DIS3L2: variants seen among roughly 807,000 people sequenced by gnomAD.
DIS3L2 encodes the protein DIS3-like exonuclease 2.
Under a neutral mutation model 97.5 loss-of-function variants are expected in DIS3L2, and 34 were observed. That is an observed-to-expected ratio of 0.35 (90% CI 0.27 to 0.46). The LOEUF is 0.46. Among genes scored for constraint, DIS3L2 ranks in the 20% least tolerant of loss-of-function variants. The probability of loss-of-function intolerance (pLI) is 1.00; values close to 1 mark genes in which losing one functional copy is unlikely to be tolerated. For missense variants in DIS3L2, 1,038 were observed against 1,146.0 expected (o/e 0.91, Z 1.36); for synonymous variants, 435 against 445.2 (o/e 0.98, Z 0.29).
chr2:232,091,548 T>TTGTC (rs1231788599), intron 6 of DIS3L2, among the ~76,000 whole-genome samples: 12 of 152,334 alleles, frequency 7.9e-5, no homozygotes, highest in African/African-American at 2.9e-4. Context: ...CTTTATCCAT[T>TTGTC]TGTCTGTTGA....
chr2:231,971,638 G>T lies in DIS3L2; in HGVS notation c.-94+9873G>T, dbSNP rs192882785. ...AATTTTGTGTATTTTTAGTAGAGAC[G>T]GGTTTCACCGTGTTAGCCAGGATGG... On this transcript the variant is annotated intron_variant, in intron 1 of 20. Transcript: ENST00000325385. Among the ~76,000 whole-genome samples, 72 of 152,046 alleles carry T rather than the reference G, an allele frequency of 4.7e-4. 1 individual carries two copies. The East Asian group carries it at 0.012, about 25-fold the overall frequency.
intron 9 of DIS3L2, among the ~76,000 whole-genome samples, chr2:232,197,836 C>T (rs3103288): frequency 0.2 from 30,404 of 151,598 alleles, 3,622 homozygotes; most frequent in South Asian, 0.46. Flanking sequence ...TGTGGTGGCA[C>T]GTGCTCCTAG....
chr2:232,282,077 T>C (rs897781863), intron 13 of DIS3L2, among the ~76,000 whole-genome samples: 1 of 149,462 alleles, frequency 6.7e-6, no homozygotes, highest in Non-Finnish European at 1.5e-5. Context: ...TCCTTCCTCC[T>C]TGCTTGCACC....
chr2:231,962,979 C>G (rs768975061), intron 1 of DIS3L2, among the ~76,000 whole-genome samples: 23 of 151,994 alleles, frequency 1.5e-4, no homozygotes, highest in African/African-American at 2.2e-4. Flanking sequence ...TTCCAGTCCA[C>G]CATTGATGGT....
chr2:232,223,179 C>T (rs1307191601), intron 10 of DIS3L2, among the ~76,000 whole-genome samples: 1 of 152,188 alleles, frequency 6.6e-6, no homozygotes, highest in Non-Finnish European at 1.5e-5. Flanking sequence ...AGTCAGGCAT[C>T]CTCAAGTATC....
At chr2:232,055,928 A>G (rs1695535964) in intron 5 of DIS3L2, among the ~76,000 whole-genome samples, 1 of 152,238 alleles carries the variant, frequency 6.6e-6, no homozygotes, top group Non-Finnish European at 1.5e-5. Context: ...GAGAAAAAGG[A>G]TGTTGACCTT....
At chr2:232,176,342 C>G (rs1691151278) in intron 9 of DIS3L2, among the ~76,000 whole-genome samples, 1 of 151,830 alleles carries the variant, frequency 6.6e-6, no homozygotes, top group African/African-American at 2.4e-5. Context: ...AATCTCTCCC[C>G]CTCTCTCTCT....
At chr2:232,114,500 T>G (rs931836148) in intron 6 of DIS3L2, among the ~76,000 whole-genome samples, 3 of 152,184 alleles carry the variant, frequency 2.0e-5, no homozygotes, top group African/African-American at 7.2e-5. Flanking sequence ...TATATGTTGA[T>G]TTGAGTTTCA....
At chr2:232,279,981 T>G (rs141076038) in intron 13 of DIS3L2, among the ~76,000 whole-genome samples, 59 of 152,362 alleles carry the variant, frequency 3.9e-4, no homozygotes, top group African/African-American at 1.3e-3. Context: ...AGCAGAAATT[T>G]TTCATTGTTA....
intron 6 of DIS3L2, chr2:232,111,297 C>T: frequency 4.3e-6 from 2 of 470,288 alleles, no homozygotes; most frequent in South Asian, 3.1e-5. Flanking sequence ...CTATTAGTAG[C>T]AGCCAATTTC....
intron 4 of DIS3L2, among the ~76,000 whole-genome samples, chr2:232,027,652 G>A (rs555044809): frequency 4.6e-5 from 7 of 152,192 alleles, no homozygotes; most frequent in Non-Finnish European, 1.0e-4. Context: ...GTGAAGAACA[G>A]TGAATTAGTC....
intron 14 of DIS3L2, among the ~76,000 whole-genome samples, chr2:232,318,605 G>A (rs1042628864): frequency 2.6e-5 from 4 of 152,304 alleles, no homozygotes; most frequent in East Asian, 1.9e-4. Context: ...TGAGCACCCC[G>A]CATGGGAAGG....
At chr2:232,069,305 T>C (rs376755625) in intron 5 of DIS3L2, among the ~76,000 whole-genome samples, 1 of 152,252 alleles carries the variant, frequency 6.6e-6, no homozygotes, top group East Asian at 1.9e-4. Context: ...GCTTTGATTC[T>C]CTATCAAAAA....
intron 13 of DIS3L2, among the ~76,000 whole-genome samples, chr2:232,272,930 A>G (rs932718433): frequency 6.6e-6 from 1 of 151,828 alleles, no homozygotes; most frequent in African/African-American, 2.4e-5. Context: ...CTCCCACCCC[A>G]CTTCTAGAAG....
At chr2:232,132,237 C>T (rs1698240666) in intron 7 of DIS3L2, among the ~76,000 whole-genome samples, 2 of 152,178 alleles carry the variant, frequency 1.3e-5, no homozygotes, top group South Asian at 4.1e-4. Context: ...GCAAACAGCA[C>T]TTGCCTGCGA....
At chr2:232,014,519 A>G (rs1694299323) in intron 1 of DIS3L2, among the ~76,000 whole-genome samples, 1 of 152,124 alleles carries the variant, frequency 6.6e-6, no homozygotes, top group African/African-American at 2.4e-5. Flanking sequence ...TCAAAACTAT[A>G]TTTCTTTATA....
chr2:232,119,856 T>C (rs1366432114), intron 6 of DIS3L2, among the ~76,000 whole-genome samples: 2 of 152,148 alleles, frequency 1.3e-5, no homozygotes, highest in East Asian at 3.9e-4. Flanking sequence ...CTTGCCAAAA[T>C]ATGTACCACC....
At chr2:231,964,459 A>AAG in intron 1 of DIS3L2, among the ~76,000 whole-genome samples, 1 of 152,064 alleles carries the variant, frequency 6.6e-6, no homozygotes, top group East Asian at 1.9e-4. Context: ...TGTTAATAGC[A>AAG]TGGACTTACA....
At chr2:232,225,506 C>T (rs534012475) in intron 10 of DIS3L2, among the ~76,000 whole-genome samples, 125 of 151,832 alleles carry the variant, frequency 8.2e-4, no homozygotes, top group Non-Finnish European at 1.5e-3. Context: ...ATGTAAAATA[C>T]AAAGAAAGGT....
Sources: gnomAD v4.1 joint callset for allele counts (sites outside exome capture counted in the v4.1 genomes callset) on GRCh38, gnomAD v4.1.1 for gene constraint, MANE v1.5 for transcripts, NCBI Gene and HGNC (gene_info 2026-07-23, HGNC 2026-07-21) for gene names.